RPP40: variants seen among roughly 807,000 people sequenced by gnomAD.
RPP40 encodes ribonuclease P protein subunit p40.
Under a neutral mutation model 42.5 loss-of-function variants are expected in RPP40, and 30 were observed. The observed-to-expected ratio is 0.71, with a 90% CI of 0.53 to 0.96. The LOEUF (loss-of-function observed/expected upper bound fraction) is 0.96, where lower values mean the gene tolerates loss of function less well. Ranked by LOEUF, RPP40 falls within the 40% of genes least tolerant of loss-of-function variation. The pLI, the probability that RPP40 is intolerant of heterozygous loss-of-function variation, is 0.00. For missense variants in RPP40, 426 were observed against 433.5 expected (o/e 0.98, Z 0.15); for synonymous variants, 173 against 164.0 (o/e 1.05, Z -0.42).
intron 5 of RPP40, among the ~76,000 whole-genome samples, chr6:4,996,937 G>A (rs1476123834): frequency 1.3e-5 from 2 of 152,170 alleles, no homozygotes; most frequent in South Asian, 2.1e-4. Flanking sequence ...ACGGCAAAGG[G>A]CAGGCTTGCT....
Position 5,000,583 on chromosome 6 carries a change from G to A in RPP40, c.317C>T (p.Thr106Ile), listed in dbSNP as rs1759522228. ...TYNTHIDEDN[T>I]VALLPNGKLI... ...GTTACCATTTGGTAGCAGGGCAACA[G>A]TATTATCTTCATCAATATGTGTATT... The change falls in exon 3 of 8, where the codon ACT becomes ATT. Residue 106 changes from threonine to isoleucine, a missense_variant. Coordinates refer to ENST00000380051, the MANE Select transcript of RPP40 (RefSeq NM_006638.4). The A allele has an allele frequency of 6.3e-7, 1 of 1,578,052 alleles. No homozygotes were observed. The highest frequency in any genetic ancestry group is 8.7e-7 in the Non-Finnish European group (1 of 1,148,884).
At position 5,003,725 on chromosome 6, in the gene RPP40, G is replaced by C. The variant is rs1054667923; in HGVS notation, c.123+155C>G. 1.4e-5 allele frequency: 13 copies of C among 958,878 alleles called. No individual in the cohort carries two copies. The African/African-American group carries it at 1.5e-4, about 11-fold the overall frequency. 59.4% of individuals were successfully genotyped at this position (958,878 alleles called of 1,614,324 possible). A position where few individuals can be genotyped will look rare whatever the true frequency, so the allele number is the denominator to read the frequency against. ...CCCTGCAAGCCACTGGCTTAGAGCA[G>C]TTAAGAGACTACAACTCCCAGCAAG... On this transcript the variant is annotated intron_variant, in intron 1 of 7. Coordinates refer to ENST00000380051, the MANE Select transcript of RPP40 (RefSeq NM_006638.4).
In RPP40 at chr6:4,994,974, A is replaced by G. The variant is rs905567963; in HGVS notation, c.*104T>C. On this transcript the variant is annotated 3_prime_UTR_variant, in exon 8 of 8. Transcript: ENST00000380051. ...ATGCCAGCAAATGCTGATCTGAGAA[A>G]TGTCACCATCACACAAGCCTGAGTG... 29 of 1,015,920 alleles carry G rather than the reference A, an allele frequency of 2.9e-5. No individual in the cohort carries two copies. The highest frequency in any genetic ancestry group is 3.3e-4 in the Middle Eastern group (1 of 3,076). 62.9% of individuals were successfully genotyped at this position (1,015,920 alleles called of 1,614,324 possible). A position where few individuals can be genotyped will look rare whatever the true frequency, so the allele number is the denominator to read the frequency against.
downstream of RPP40, among the ~76,000 whole-genome samples, chr6:4,990,822 C>CT (rs1392937148): frequency 6.6e-6 from 1 of 152,112 alleles, no homozygotes; most frequent in African/African-American, 2.4e-5. Context: ...ATTTCAACTT[C>CT]TTTAACAGAT....
chr6:4,991,395 T>G (rs1444479341), downstream of RPP40, among the ~76,000 whole-genome samples: 1 of 152,198 alleles, frequency 6.6e-6, no homozygotes, highest in East Asian at 1.9e-4. Flanking sequence ...TCCCGTACTA[T>G]GATTTTTGTT....
chr6:5,000,862 G>C (rs1448539115), intron 2 of RPP40, among the ~76,000 whole-genome samples: 1 of 123,580 alleles, frequency 8.1e-6, no homozygotes, highest in Non-Finnish European at 1.7e-5. Flanking sequence ...AGAAGACCAA[G>C]CATGCAGAAG....
downstream of RPP40, among the ~76,000 whole-genome samples, chr6:4,994,085 T>C (rs77646149): frequency 1.3e-5 from 2 of 152,112 alleles, no homozygotes; most frequent in East Asian, 1.9e-4. Flanking sequence ...AATTTTTTTT[T>C]CCCTTTAAGA....
intron 2 of RPP40, among the ~76,000 whole-genome samples, chr6:5,000,864 A>G (rs5018029): frequency 8.5e-6 from 1 of 117,146 alleles, no homozygotes; most frequent in Non-Finnish European, 1.8e-5. Flanking sequence ...AAGACCAAGC[A>G]TGCAGAAGAC....
At chr6:4,993,461 C>T (rs1271785418), downstream of RPP40, among the ~76,000 whole-genome samples, 2 of 152,212 alleles carry the variant, frequency 1.3e-5, no homozygotes, top group African/African-American at 2.4e-5. Flanking sequence ...TGCTTGCTAA[C>T]TTTAACATCT....
At chr6:5,001,481 C>T (rs777852357) in intron 2 of RPP40, among the ~76,000 whole-genome samples, 8 of 152,162 alleles carry the variant, frequency 5.3e-5, no homozygotes, top group African/African-American at 1.9e-4. Context: ...GGGGCTACCA[C>T]AAGATAAGCA....
At chr6:4,997,645 TCATC>T (rs72424582) in intron 5 of RPP40, among the ~76,000 whole-genome samples, 1 of 151,890 alleles carries the variant, frequency 6.6e-6, no homozygotes, top group African/African-American at 2.4e-5. Flanking sequence ...AAATCTCCTC[TCATC>T]CATCCATCCA....
At chr6:5,001,369 C>T (rs921073492) in intron 2 of RPP40, among the ~76,000 whole-genome samples, 3 of 152,116 alleles carry the variant, frequency 2.0e-5, no homozygotes, top group Admixed American at 6.6e-5. Flanking sequence ...GTGATGAGAC[C>T]AGACAAGATG....
intron 5 of RPP40, among the ~76,000 whole-genome samples, chr6:4,997,699 C>T (rs895250315): frequency 6.6e-6 from 1 of 152,196 alleles, no homozygotes; most frequent in Non-Finnish European, 1.5e-5. Flanking sequence ...CTCTGGAGAA[C>T]CCTGACTAAT....
Position 5,003,859 on chromosome 6 carries a change from GC to G in RPP40, c.123+20del. The G allele has an allele frequency of 6.3e-7, 1 of 1,598,644 alleles. No homozygotes were observed. The highest frequency in any genetic ancestry group is 8.6e-7 in the Non-Finnish European group (1 of 1,168,364). On this transcript the variant is annotated intron_variant, in intron 1 of 7. Transcript: ENST00000380051. ...GCGGGGACTGAGCACGGCCCGAAAA[GC>G]CGAGGACAGCCGGACTCACCCTGTA...
intron 4 of RPP40, 58 bp from the exon 5 acceptor site, chr6:4,998,899 G>A: frequency 9.2e-7 from 1 of 1,088,266 alleles, no homozygotes; most frequent in Non-Finnish European, 1.2e-6. Flanking sequence ...CTTCTACCAT[G>A]GAAAAAGTGT....
At chr6:4,992,733 A>G (rs1205782141), downstream of RPP40, among the ~76,000 whole-genome samples, 1 of 152,156 alleles carries the variant, frequency 6.6e-6, no homozygotes, top group Non-Finnish European at 1.5e-5. Context: ...TGAGTCTCTC[A>G]TCTTGCTACT....
intron 1 of RPP40, among the ~76,000 whole-genome samples, chr6:5,003,066 C>G (rs879516659): frequency 3.0e-4 from 45 of 152,162 alleles, no homozygotes; most frequent in Non-Finnish European, 4.1e-4. Flanking sequence ...TCAGTCGCTT[C>G]GGCCGGGCGC....
intron 1 of RPP40, 141 bp from the exon 2 acceptor site, chr6:5,002,386 T>C (rs1365956669): frequency 1.5e-6 from 1 of 668,496 alleles, no homozygotes; most frequent in Non-Finnish European, 2.5e-6. Context: ...ACAAAACTCT[T>C]ATGTTAACTT....
intron 5 of RPP40, among the ~76,000 whole-genome samples, chr6:4,996,864 C>T (rs558814932): frequency 3.9e-5 from 6 of 152,298 alleles, no homozygotes; most frequent in South Asian, 4.1e-4. Flanking sequence ...TAAAATCCAG[C>T]GTATCTTTTC....
Sources: allele counts gnomAD v4.1 joint callset (sites outside exome capture counted in the v4.1 genomes callset), GRCh38; gene constraint gnomAD v4.1.1; transcripts MANE v1.5; gene names NCBI Gene and HGNC (gene_info 2026-07-23, HGNC 2026-07-21).